The following NME8 variants were observed in gnomAD, a reference collection of about 807,000 sequenced individuals.
NME8 encodes protein NME8.
In NME8, 72 loss-of-function variants were observed where a neutral mutation model predicts 82.3. The ratio of observed to expected loss-of-function variants is 0.87; its 90% CI spans 0.72 to 1.06. NME8 has a LOEUF of 1.06. NME8 is among the 50% of genes least tolerant of loss of function. The probability of loss-of-function intolerance (pLI) is 0.00; values close to 1 mark genes in which losing one functional copy is unlikely to be tolerated. For missense variants in NME8, 712 were observed against 685.4 expected (o/e 1.04, Z -0.43); for synonymous variants, 267 against 228.5 (o/e 1.17, Z -1.52).
At chr7:37,887,689 G>C (rs934565728) in intron 14 of NME8, among the ~76,000 whole-genome samples, 1 of 152,106 alleles carries the variant, frequency 6.6e-6, no homozygotes, top group Admixed American at 6.6e-5. Context: ...AGAAATATCC[G>C]AGACTGGGTA....
At chr7:37,881,014 T>C (rs1217862993) in intron 12 of NME8, among the ~76,000 whole-genome samples, 3 of 152,198 alleles carry the variant, frequency 2.0e-5, no homozygotes, top group South Asian at 2.1e-4. Context: ...CTCTTATCAG[T>C]GCCCGAAGTT....
intron 6 of NME8, among the ~76,000 whole-genome samples, chr7:37,860,889 A>G (rs10235776): frequency 0.031 from 4,650 of 152,296 alleles, 212 homozygotes; most frequent in African/African-American, 0.1. Context: ...CAAGTGAGAA[A>G]CAGAAGAGTC....
rs1562844574 is a variant in NME8, at chr7:37,897,548, C to CAAAA, written c.*15+441_*15+442insAAAA. On this transcript the variant is annotated intron_variant, in intron 17 of 17. Transcript: ENST00000199447. The stretch of plus-strand genomic sequence containing the variant: ...CTAAACAAAAACAAAACAAAACAAA[C>CAAAA]CAAACCAAAACAAAAAATAGGATGC... Among the ~76,000 whole-genome samples the CAAAA allele has an allele frequency of 5.3e-5, 8 of 152,156 alleles. No individual in the cohort carries two copies. In the South Asian group the frequency reaches 8.3e-4, roughly 16 times the overall value.
intron 6 of NME8, among the ~76,000 whole-genome samples, chr7:37,861,804 A>T (rs1027124402): frequency 6.6e-6 from 1 of 152,202 alleles, no homozygotes; most frequent in Non-Finnish European, 1.5e-5. Context: ...AAGGTGCTGG[A>T]GGACATGCAA....
intron 17 of NME8, among the ~76,000 whole-genome samples, chr7:37,897,661 C>T (rs1785250659): frequency 6.6e-6 from 1 of 151,890 alleles, no homozygotes; most frequent in South Asian, 2.1e-4. Flanking sequence ...AGGATCCTTC[C>T]CCTCACCCCC....
rs142525551 is a variant in NME8, at chr7:37,896,925, C to G, written c.1600C>G (p.Arg534Gly). The change falls in exon 17 of 18, where the codon CGA (arginine) becomes GGA (glycine). Residue 534 changes from arginine (R) to glycine (G), a missense_variant. Coordinates refer to ENST00000199447, the MANE Select transcript of NME8 (RefSeq NM_016616.5). ...GTGGAATGCTGTTGCAGAATGGAGA[C>G]GATTGATGGGCCCAACAGACCCAGA... is the stretch of plus-strand genomic sequence containing the variant. The part of the protein sequence containing the change: ...TKWNAVAEWR[R>G]LMGPTDPEEA... The G allele has an allele frequency of 7.9e-5, 127 of 1,613,652 alleles. No individual in the cohort carries two copies. Among genetic ancestry groups the G allele is most frequent in the Non-Finnish European group, 1.0e-4 (122 of 1,179,860 alleles).
chr7:37,894,650 G>T, intron 16 of NME8, 40 bp downstream of exon 16: 1 of 1,512,704 alleles, frequency 6.6e-7, no homozygotes, highest in Non-Finnish European at 9.1e-7. Context: ...TATAAAAGTG[G>T]TAAATGTTCA....
chr7:37,857,199 T>A, intron 5 of NME8, 75 bp from the exon 6 acceptor site: 4 of 1,137,388 alleles, frequency 3.5e-6, no homozygotes, highest in Non-Finnish European at 3.9e-6. Context: ...TATCTCTGCA[T>A]TGTTTCAACA....
At chr7:37,897,892 G>C (rs1785254750) in intron 17 of NME8, among the ~76,000 whole-genome samples, 1 of 152,124 alleles carries the variant, frequency 6.6e-6, no homozygotes, top group Non-Finnish European at 1.5e-5. Flanking sequence ...TCTTTATCCA[G>C]TCTATCGCTG....
intron 15 of NME8, among the ~76,000 whole-genome samples, chr7:37,892,301 C>T (rs537187100): frequency 6.6e-6 from 1 of 151,262 alleles, no homozygotes; most frequent in South Asian, 2.1e-4. Flanking sequence ...GGTTTTCCTG[C>T]CTTATAGTTT....
At chr7:37,853,766 T>C (rs1056856399) in intron 5 of NME8, among the ~76,000 whole-genome samples, 1 of 152,120 alleles carries the variant, frequency 6.6e-6, no homozygotes, top group African/African-American at 2.4e-5. Flanking sequence ...AAAATTAAAA[T>C]GTATGAGGTT....
At chr7:37,877,051 A>C in intron 12 of NME8, 44 bp downstream of exon 12, 5 of 1,482,614 alleles carry the variant, frequency 3.4e-6, no homozygotes, top group Non-Finnish European at 4.7e-6. Flanking sequence ...TATATAGATG[A>C]GATTTGAATA....
chr7:37,885,322 G>A, intron 14 of NME8, 70 bp downstream of exon 14: 4 of 941,824 alleles, frequency 4.2e-6, no homozygotes, highest in Non-Finnish European at 6.9e-6. Context: ...TAGATGTAGA[G>A]TATTGGAACC....
chr7:37,874,109 CCTT>C (rs1446686794), intron 11 of NME8, among the ~76,000 whole-genome samples: 2 of 152,098 alleles, frequency 1.3e-5, no homozygotes, highest in African/African-American at 2.4e-5. Flanking sequence ...CCTATATACT[CCTT>C]CTGTGGAAAA....
chr7:37,880,983 C>G (rs867379544), intron 12 of NME8, among the ~76,000 whole-genome samples: 1 of 152,018 alleles, frequency 6.6e-6, no homozygotes, highest in Admixed American at 6.6e-5. Context: ...TAATTATAAC[C>G]TGAACCTTTG....
chr7:37,863,557 C>A, intron 8 of NME8, 95 bp downstream of exon 8: 1 of 772,920 alleles, frequency 1.3e-6, no homozygotes, highest in Non-Finnish European at 2.4e-6. Context: ...GTAACAAATC[C>A]ATGTTTATTA....
In NME8 at chr7:37,894,486, A is replaced by G. The variant is rs768072208; in HGVS notation, c.1420A>G (p.Lys474Glu). The stretch of plus-strand genomic sequence containing the variant: ...CTTAGAGCAGATCCTGAAGATAGTT[A>G]AGGAGGCTGGATTTGATCTGACACA... Reference protein sequence around the residue: ...EQREQILKIVKEAGFDLTQVK... With the variant: ...EQREQILKIVEEAGFDLTQVK... Residue 474 changes from lysine to glutamate, a missense_variant, in exon 16 of 18, where the codon AAG (lysine) becomes GAG (glutamate). Coordinates refer to ENST00000199447, the MANE Select transcript of NME8 (RefSeq NM_016616.5). 2 of 1,613,014 alleles carry G rather than the reference A, an allele frequency of 1.2e-6. No homozygotes were observed. The highest frequency in any genetic ancestry group is 1.1e-5 in the South Asian group (1 of 91,048).
chr7:37,888,885 T>C (rs1785084361), intron 15 of NME8, among the ~76,000 whole-genome samples: 1 of 152,048 alleles, frequency 6.6e-6, no homozygotes, highest in African/African-American at 2.4e-5. Context: ...GTATTGAGAC[T>C]TAAAAGTGAG....
Position 37,892,438 on chromosome 7 carries a change from T to C in NME8, c.1400-2028T>C, listed in dbSNP as rs1785143364. ...CTTACTCAATTTTTAGTTAAAAATA[T>C]TCTCTTTTGGTATGATGAAGTCAAA... On this transcript the variant is annotated intron_variant, in intron 15 of 17. Coordinates refer to ENST00000199447, the MANE Select transcript of NME8 (RefSeq NM_016616.5). Among the ~76,000 whole-genome samples the C allele has an allele frequency of 1.3e-5, 2 of 151,646 alleles. 1 individual carries two copies. Among genetic ancestry groups the C allele is most frequent in the South Asian group, 4.1e-4 (2 of 4,824 alleles).
Sources: allele counts gnomAD v4.1 joint callset (sites outside exome capture counted in the v4.1 genomes callset), GRCh38; gene constraint gnomAD v4.1.1; transcripts MANE v1.5; gene names NCBI Gene and HGNC (gene_info 2026-07-23, HGNC 2026-07-21).